Variants in CSMD1 observed in about 807,000 individuals in gnomAD.
CSMD1 encodes CUB and sushi domain-containing protein 1.
CSMD1 carries 213 observed loss-of-function variants against 417.5 expected under a neutral mutation model. That is an observed-to-expected ratio of 0.51 (90% CI 0.46 to 0.57). CSMD1 has a LOEUF of 0.57. Ranked by LOEUF, CSMD1 falls within the 20% of genes least tolerant of loss-of-function variation. The pLI is 0.00. For synonymous variants in CSMD1, 2,862 were observed against 1,736.8 expected (o/e 1.65, Z -16.11); for missense variants, 6,923 against 4,529.7 (o/e 1.53, Z -15.17).
At chr8:4,471,666 G>A (rs924379826) in intron 2 of CSMD1, among the ~76,000 whole-genome samples, 1 of 152,120 alleles carries the variant, frequency 6.6e-6, no homozygotes, top group African/African-American at 2.4e-5. Flanking sequence ...GCTCACCCTG[G>A]TTGAGGAAGG....
intron 3 of CSMD1, among the ~76,000 whole-genome samples, chr8:4,058,737 G>A (rs924112265): frequency 7.3e-6 from 1 of 137,332 alleles, no homozygotes; most frequent in African/African-American, 2.7e-5. Context: ...AACAAGAAGA[G>A]CTAACTATCC....
At chr8:4,403,912 A>C (rs1440699495) in intron 3 of CSMD1, among the ~76,000 whole-genome samples, 1 of 152,172 alleles carries the variant, frequency 6.6e-6, no homozygotes. Context: ...CCACACCCGC[A>C]TTAACTCCAA....
chr8:4,180,497 C>T (rs967979128), intron 3 of CSMD1, among the ~76,000 whole-genome samples: 4 of 151,390 alleles, frequency 2.6e-5, no homozygotes, highest in Non-Finnish European at 5.9e-5. Context: ...TTAGTGGGTG[C>T]AGCACACCAG....
chr8:4,791,131 A>C lies in CSMD1; in HGVS notation c.86-153573T>G, dbSNP rs1157879137. ...GGGGAGAAGAGACGGGGAGGGAGAA[A>C]CTTTTAAGTGAGACAAGAAACAAAC... On this transcript the variant is annotated intron_variant, in intron 1 of 69. Coordinates refer to ENST00000635120, the MANE Select transcript of CSMD1 (RefSeq NM_033225.6). Among the ~76,000 whole-genome samples, 3 of 145,874 alleles carry C rather than the reference A, an allele frequency of 2.1e-5. No individual in the cohort carries two copies. The East Asian group carries it at 5.8e-4, about 28-fold the overall frequency.
intron 3 of CSMD1, among the ~76,000 whole-genome samples, chr8:4,174,314 T>C (rs1387914647): frequency 1.3e-5 from 2 of 152,142 alleles, no homozygotes; most frequent in Admixed American, 6.5e-5. Context: ...ATCCACTACA[T>C]GACCTAGGTA....
Position 4,025,192 on chromosome 8 carries a change from G to C in CSMD1, c.610+6713C>G, listed in dbSNP as rs79216198. Reference sequence around the variant, plus strand: ...AAGAAATGCACCCCCTCCTGGGGGAGTGTTCTGGATCAGATGTTAGCTTTC... The same window carrying C: ...AAGAAATGCACCCCCTCCTGGGGGACTGTTCTGGATCAGATGTTAGCTTTC... On this transcript the variant is annotated intron_variant, in intron 4 of 69. Coordinates refer to ENST00000635120, the MANE Select transcript of CSMD1 (RefSeq NM_033225.6). Among the ~76,000 whole-genome samples, 1,356 of 152,346 alleles carry C rather than the reference G, an allele frequency of 8.9e-3. 22 individuals carry two copies. The highest frequency in any genetic ancestry group is 0.057 in the East Asian group (295 of 5,170).
chr8:3,722,353 C>G (rs1003728737), intron 6 of CSMD1, among the ~76,000 whole-genome samples: 22 of 152,250 alleles, frequency 1.4e-4, no homozygotes, highest in Admixed American at 3.9e-4. Flanking sequence ...TTCATAAAAT[C>G]TAAGACGAAG....
At chr8:4,003,792 G>C (rs1651667657) in intron 4 of CSMD1, among the ~76,000 whole-genome samples, 1 of 152,122 alleles carries the variant, frequency 6.6e-6, no homozygotes, top group South Asian at 2.1e-4. Flanking sequence ...AGGGTCTGAT[G>C]TCTACTGAGT....
intron 3 of CSMD1, among the ~76,000 whole-genome samples, chr8:4,380,215 T>G (rs1277640880): frequency 6.6e-6 from 1 of 152,128 alleles, no homozygotes; most frequent in Non-Finnish European, 1.5e-5. Flanking sequence ...GACTACAGTA[T>G]GGAAAAAGGA....
At position 4,794,812 on chromosome 8, in the gene CSMD1, G is replaced by C. The variant is rs549891829; in HGVS notation, c.86-157254C>G. Among the ~76,000 whole-genome samples, 14 of 152,232 alleles carry C rather than the reference G, an allele frequency of 9.2e-5. No individual in the cohort carries two copies. In the South Asian group the frequency reaches 2.3e-3, roughly 25 times the overall value. Reference sequence around the variant, plus strand: ...AGTAGTTTGAATAGAAGCACTCAATGGTCCAAGTTACAATTTAGGAAAACT... The same window carrying C: ...AGTAGTTTGAATAGAAGCACTCAATCGTCCAAGTTACAATTTAGGAAAACT... On this transcript the variant is annotated intron_variant, in intron 1 of 69. Coordinates refer to ENST00000635120, the MANE Select transcript of CSMD1 (RefSeq NM_033225.6).
At chr8:4,767,580 C>G (rs953273233) in intron 1 of CSMD1, among the ~76,000 whole-genome samples, 38 of 152,156 alleles carry the variant, frequency 2.5e-4, no homozygotes, top group African/African-American at 8.9e-4. Flanking sequence ...TCCCTTTCCG[C>G]ATTCATCAAC....
At chr8:3,739,006 T>C (rs986288996) in intron 6 of CSMD1, among the ~76,000 whole-genome samples, 4 of 152,234 alleles carry the variant, frequency 2.6e-5, no homozygotes, top group Admixed American at 6.5e-5. Context: ...ATATATATTG[T>C]TATATTGTAA....
chr8:4,162,757 T>A (rs1192098892), intron 3 of CSMD1, among the ~76,000 whole-genome samples: 1 of 152,120 alleles, frequency 6.6e-6, no homozygotes, highest in Non-Finnish European at 1.5e-5. Context: ...GTCATTATCA[T>A]CCAAACCCCC....
chr8:4,921,337 A>G (rs1192486204), intron 1 of CSMD1, among the ~76,000 whole-genome samples: 1 of 152,196 alleles, frequency 6.6e-6, no homozygotes, highest in African/African-American at 2.4e-5. Context: ...AAATTCCATT[A>G]TAAATTATGT....
chr8:3,416,626 G>T (rs1007448819), intron 12 of CSMD1, among the ~76,000 whole-genome samples: 8 of 152,172 alleles, frequency 5.3e-5, no homozygotes, highest in Non-Finnish European at 1.0e-4. Flanking sequence ...GAGCTACATG[G>T]AAACACGTCC....
intron 3 of CSMD1, among the ~76,000 whole-genome samples, chr8:4,371,403 C>G (rs1398410846): frequency 1.3e-5 from 2 of 152,112 alleles, no homozygotes; most frequent in Non-Finnish European, 2.9e-5. Flanking sequence ...TATTTTTATT[C>G]TGTTTAATTC....
intron 6 of CSMD1, among the ~76,000 whole-genome samples, chr8:3,722,697 T>G (rs17067149): frequency 0.012 from 1,855 of 152,300 alleles, 43 homozygotes; most frequent in African/African-American, 0.042. Flanking sequence ...AGGATCAATT[T>G]TTCTGGATTC....
intron 1 of CSMD1, among the ~76,000 whole-genome samples, chr8:4,936,703 A>T (rs2117216218): frequency 6.6e-6 from 1 of 152,340 alleles, no homozygotes; most frequent in East Asian, 1.9e-4. Context: ...TTTCACTGTA[A>T]TTCATTAAAC....
chr8:3,244,295 T>A (rs1799734826), intron 26 of CSMD1, among the ~76,000 whole-genome samples: 1 of 152,188 alleles, frequency 6.6e-6, no homozygotes, highest in African/African-American at 2.4e-5. Context: ...TTGTTTCTGT[T>A]CACTGGAGTC....
Sources: allele counts gnomAD v4.1 joint callset (sites outside exome capture counted in the v4.1 genomes callset), GRCh38; gene constraint gnomAD v4.1.1; transcripts MANE v1.5; gene names NCBI Gene and HGNC (gene_info 2026-07-23, HGNC 2026-07-21).